KCND2: variants seen among roughly 807,000 people sequenced by gnomAD.
The protein encoded by KCND2 is A-type voltage-gated potassium channel KCND2.
In KCND2, 16 loss-of-function variants were observed where a neutral mutation model predicts 54.4. That is an observed-to-expected ratio of 0.29 (90% CI 0.20 to 0.45). The LOEUF (loss-of-function observed/expected upper bound fraction) is 0.45, where lower values mean the gene tolerates loss of function less well. KCND2 is among the 20% of genes least tolerant of loss of function. The pLI, the probability that KCND2 is intolerant of heterozygous loss-of-function variation, is 1.00. For synonymous variants in KCND2, 317 were observed against 310.7 expected (o/e 1.02, Z -0.21); for missense variants, 486 against 824.2 (o/e 0.59, Z 5.02).
intron 1 of KCND2, among the ~76,000 whole-genome samples, chr7:120,439,655 C>T (rs1801921298): frequency 6.6e-6 from 1 of 152,016 alleles, no homozygotes; most frequent in South Asian, 2.1e-4. Flanking sequence ...TCTCCATATC[C>T]TCTCCTCTCC....
chr7:120,722,779 G>A (rs1434027431), intron 1 of KCND2, among the ~76,000 whole-genome samples: 1 of 152,140 alleles, frequency 6.6e-6, no homozygotes. Context: ...TTGTTTTAAG[G>A]CTGCCTAACT....
chr7:120,416,304 G>A (rs1481031244), intron 1 of KCND2, among the ~76,000 whole-genome samples: 2 of 152,148 alleles, frequency 1.3e-5, no homozygotes, highest in East Asian at 3.9e-4. Context: ...CTGCCTCAGA[G>A]CCTTTGCACA....
At chr7:120,696,652 C>A (rs1792336402) in intron 1 of KCND2, among the ~76,000 whole-genome samples, 1 of 152,154 alleles carries the variant, frequency 6.6e-6, no homozygotes, top group Non-Finnish European at 1.5e-5. Context: ...ATGTCCTTAC[C>A]ACCAGAGTGC....
At chr7:120,456,798 T>A (rs1802207028) in intron 1 of KCND2, among the ~76,000 whole-genome samples, 2 of 152,200 alleles carry the variant, frequency 1.3e-5, no homozygotes, top group Non-Finnish European at 2.9e-5. Flanking sequence ...ACAGCTCCAC[T>A]AGGCAGTGCC....
chr7:120,424,969 G>GA (rs199923213), intron 1 of KCND2, among the ~76,000 whole-genome samples: 3,363 of 152,200 alleles, frequency 0.022, 63 homozygotes, highest in Middle Eastern at 0.061. Context: ...GATTTGGCCT[G>GA]AAAAAATATT....
intron 1 of KCND2, among the ~76,000 whole-genome samples, chr7:120,724,072 A>G (rs1281987413): frequency 6.6e-6 from 1 of 152,186 alleles, no homozygotes; most frequent in East Asian, 1.9e-4. Context: ...TCCCTGCCAT[A>G]TGTATTGTTT....
intron 1 of KCND2, among the ~76,000 whole-genome samples, chr7:120,459,439 G>A (rs1050706866): frequency 2.0e-5 from 3 of 151,962 alleles, no homozygotes; most frequent in African/African-American, 4.8e-5. Flanking sequence ...GGCTGCCTCC[G>A]CCCACAACTT....
At position 120,738,631 on chromosome 7, in the gene KCND2, A is replaced by G. The variant is rs1038135065; in HGVS notation, c.1279-2903A>G. On this transcript the variant is annotated intron_variant, in intron 2 of 5. Transcript: ENST00000331113. ...TTACTGAAACTTTTCTCCAACTTCC[A>G]TATTATTTGCTGGTACTTTGCCATG... 7.2e-5 allele frequency among the ~76,000 whole-genome samples: 11 copies of G among 152,152 alleles called. No homozygotes were observed. In the East Asian group the frequency reaches 9.6e-4, roughly 13 times the overall value.
chr7:120,365,241 G>A (rs1164316626), intron 1 of KCND2, among the ~76,000 whole-genome samples: 2 of 150,832 alleles, frequency 1.3e-5, no homozygotes, highest in African/African-American at 4.9e-5. Flanking sequence ...GAGGCAGGGA[G>A]GGAGGGACGG....
chr7:120,315,063 A>G (rs189981244), intron 1 of KCND2, among the ~76,000 whole-genome samples: 23 of 152,298 alleles, frequency 1.5e-4, no homozygotes, highest in African/African-American at 4.8e-4. Context: ...TAAATTATCA[A>G]TTTACCAACT....
intron 1 of KCND2, among the ~76,000 whole-genome samples, chr7:120,723,987 A>G (rs934280350): frequency 1.3e-5 from 2 of 152,184 alleles, no homozygotes; most frequent in East Asian, 1.9e-4. Context: ...AGGTGGTGAC[A>G]TGGTTTTGGG....
intron 1 of KCND2, among the ~76,000 whole-genome samples, chr7:120,394,115 A>G (rs1317509438): frequency 6.6e-6 from 1 of 152,020 alleles, no homozygotes; most frequent in East Asian, 1.9e-4. Context: ...GACAAAATCA[A>G]TTCACTGAGA....
intron 1 of KCND2, among the ~76,000 whole-genome samples, chr7:120,547,644 A>G (rs1792058365): frequency 6.6e-6 from 1 of 152,032 alleles, no homozygotes; most frequent in Non-Finnish European, 1.5e-5. Flanking sequence ...TTATTTACCC[A>G]TCTTAAAAAA....
chr7:120,358,846 A>G (rs977492422), intron 1 of KCND2, among the ~76,000 whole-genome samples: 4 of 152,200 alleles, frequency 2.6e-5, no homozygotes, highest in African/African-American at 9.6e-5. Flanking sequence ...GATATTTCAT[A>G]CAAGTAAGTT....
intron 1 of KCND2, among the ~76,000 whole-genome samples, chr7:120,483,221 T>G (rs1367280380): frequency 6.6e-6 from 1 of 152,178 alleles, no homozygotes; most frequent in Admixed American, 6.6e-5. Context: ...TAATGTGTTA[T>G]TTGTACCAGA....
chr7:120,595,591 G>GTATA (rs58301382), intron 1 of KCND2, among the ~76,000 whole-genome samples: 1,931 of 131,666 alleles, frequency 0.015, 57 homozygotes, highest in African/African-American at 0.047. Context: ...GTGTGTGTGT[G>GTATA]TATATATATA....
chr7:120,524,605 A>G (rs1163052937), intron 1 of KCND2, among the ~76,000 whole-genome samples: 2 of 152,212 alleles, frequency 1.3e-5, no homozygotes, highest in East Asian at 3.9e-4. Flanking sequence ...TAATTGCTGA[A>G]TTTTGAAAAT....
intron 1 of KCND2, chr7:120,464,087 C>T (rs1802330792): frequency 1.0e-6 from 1 of 982,872 alleles, no homozygotes; most frequent in Non-Finnish European, 1.2e-6. Context: ...CACCCCAAAG[C>T]ACATCACAGG....
rs577466230 is a variant in KCND2, at chr7:120,507,692, C to T, written c.1116-225211C>T. Among the ~76,000 whole-genome samples, 10 of 151,922 alleles carry T rather than the reference C, an allele frequency of 6.6e-5. No individual in the cohort carries two copies. In the South Asian group the frequency reaches 1.2e-3, roughly 19 times the overall value. On this transcript the variant is annotated intron_variant, in intron 1 of 5. Coordinates refer to ENST00000331113, the MANE Select transcript of KCND2 (RefSeq NM_012281.3). ...AGAATATGTCTGGATTTCCTATACC[C>T]TCAGGCTCCTAGTAGCCCTACACCT...
Sources: allele counts gnomAD v4.1 joint callset (sites outside exome capture counted in the v4.1 genomes callset), GRCh38; gene constraint gnomAD v4.1.1; transcripts MANE v1.5; gene names NCBI Gene and HGNC (gene_info 2026-07-23, HGNC 2026-07-21).